The following CARHSP1 variants were observed in gnomAD, a reference collection of about 807,000 sequenced individuals.
CARHSP1 encodes calcium regulated heat stable protein 1, also known as calcium-regulated heat-stable protein 1.
CARHSP1 carries 14 observed loss-of-function variants against 12.5 expected under a neutral mutation model. The ratio of observed to expected loss-of-function variants is 1.12; its 90% CI spans 0.74 to 1.75. CARHSP1 has a LOEUF of 1.75. Ranked by LOEUF, CARHSP1 falls within the 40% of genes most tolerant of loss-of-function variation. The pLI, the probability that CARHSP1 is intolerant of heterozygous loss-of-function variation, is 0.00. For synonymous variants in CARHSP1, 161 were observed against 82.0 expected (o/e 1.96, Z -5.20); for missense variants, 343 against 201.6 (o/e 1.70, Z -4.25).
intron 3 of CARHSP1, among the ~76,000 whole-genome samples, chr16:8,855,559 T>C (rs561492556): frequency 6.6e-6 from 1 of 152,216 alleles, no homozygotes; most frequent in Non-Finnish European, 1.5e-5. Flanking sequence ...CTGGGACTTT[T>C]GATGCTGGAA....
At chr16:8,862,159 C>A (rs1051096141) in intron 1 of CARHSP1, among the ~76,000 whole-genome samples, 1 of 151,826 alleles carries the variant, frequency 6.6e-6, no homozygotes, top group Non-Finnish European at 1.5e-5. Flanking sequence ...CCCGCCATCA[C>A]GCCCGGCTAA....
rs1474226729 is a variant in CARHSP1, at chr16:8,854,127, C to T, written c.*1037G>A. 1.3e-5 allele frequency: 2 copies of T among 151,738 alleles called. No homozygotes were observed. Among genetic ancestry groups the T allele is most frequent in the Non-Finnish European group, 2.9e-5 (2 of 67,954 alleles). 9.4% of individuals were successfully genotyped at this position (151,738 alleles called of 1,614,324 possible). The stretch of plus-strand genomic sequence containing the variant: ...TGCAATGTCGGCAGCAAAGTGCAAA[C>T]AGAGCCGGCTCTGGGTGAAAGCTTT... On this transcript the variant is annotated 3_prime_UTR_variant, in exon 4 of 4. Transcript: ENST00000311052.
intron 1 of CARHSP1, among the ~76,000 whole-genome samples, chr16:8,865,780 G>A (rs1003472052): frequency 2.0e-5 from 3 of 152,126 alleles, no homozygotes; most frequent in Non-Finnish European, 2.9e-5. Flanking sequence ...CGTAAACATC[G>A]ACCCAACAGG....
rs1325102688 is a variant in CARHSP1 at position 8,855,274 on chromosome 16, A to C, written c.334T>G (p.Cys112Gly). 6 of 1,612,960 alleles carry C rather than the reference A, an allele frequency of 3.7e-6. No individual in the cohort carries two copies. Among genetic ancestry groups the C allele is most frequent in the Non-Finnish European group, 5.1e-6 (6 of 1,179,328 alleles). ...TTCTCATTCTTGGGTGGGATGGAGC[A>C]CATTTTATAGGTGACCTCGTCGCCT... ...VEGDEVTYKM[C>G]SIPPKNEKLQ... is the part of the protein sequence containing the mutation. The change falls in exon 4 of 4, where the codon TGC (cysteine) becomes GGC (glycine). Residue 112 changes from cysteine (C) to glycine (G), a missense_variant. By Grantham distance (159) the Cys-to-Gly change is radical. Transcript: ENST00000311052.
chr16:8,862,447 T>C lies in CARHSP1; in HGVS notation c.-7-3112A>G, dbSNP rs563710257. On this transcript the variant is annotated intron_variant, in intron 1 of 3. Coordinates refer to ENST00000311052, the MANE Select transcript of CARHSP1 (RefSeq NM_014316.4). ...GACACGTGCCCAATACCGAGCCCTG[T>C]TCAAGGCCCCAGAGACAAAGGGCTG... Among the ~76,000 whole-genome samples the C allele has an allele frequency of 9.3e-4, 141 of 152,166 alleles. 1 individual carries two copies. The highest frequency in any genetic ancestry group is 3.3e-3 in the African/African-American group (137 of 41,508).
intron 1 of CARHSP1, chr16:8,868,371 G>C (rs545816214): frequency 6.6e-6 from 1 of 152,210 alleles, no homozygotes; most frequent in Non-Finnish European, 1.5e-5. Flanking sequence ...TGTGGGCGCG[G>C]GTGAAGTTTT....
At position 8,855,289 on chromosome 16, in the gene CARHSP1, C is replaced by T. The variant is rs1262512392; in HGVS notation, c.319G>A (p.Val107Ile). The change falls in exon 4 of 4, where the codon GTC becomes ATC. Residue 107 changes from valine to isoleucine, a missense_variant. By Grantham distance (29) the Val-to-Ile change is conservative. Transcript: ENST00000311052. Reference sequence around the variant, plus strand: ...GGGATGGAGCACATTTTATAGGTGACCTCGTCGCCTTCCACTGGGACATAC... The same window carrying T: ...GGGATGGAGCACATTTTATAGGTGATCTCGTCGCCTTCCACTGGGACATAC... Reference protein sequence around the residue: ...GEYVPVEGDEVTYKMCSIPPK... With the variant: ...GEYVPVEGDEITYKMCSIPPK... 4.3e-6 allele frequency: 7 copies of T among 1,610,008 alleles called. No individual in the cohort carries two copies. In the Admixed American group the frequency reaches 6.7e-5, roughly 15 times the overall value.
At chr16:8,859,691 C>T (rs914334545) in intron 1 of CARHSP1, 1 of 176,042 alleles carries the variant, frequency 5.7e-6, no homozygotes, top group Non-Finnish European at 1.2e-5. Flanking sequence ...AAACCCAAAG[C>T]CAGGGGCCGG....
chr16:8,856,709 G>C (rs1211718661), intron 3 of CARHSP1, among the ~76,000 whole-genome samples: 1 of 152,182 alleles, frequency 6.6e-6, no homozygotes, highest in Non-Finnish European at 1.5e-5. Context: ...CGGGTATGCT[G>C]TGCAGAGTAG....
In CARHSP1 at chr16:8,854,481, C is replaced by G. The variant is rs1369790877; in HGVS notation, c.*683G>C. The stretch of plus-strand genomic sequence containing the variant: ...TAAGAGGGGTTCAGCCTCCCAGTAC[C>G]AGCCTGCTGTGCCCAGGGGTGGGAG... On this transcript the variant is annotated 3_prime_UTR_variant, in exon 4 of 4. Transcript: ENST00000311052. The G allele has an allele frequency of 6.5e-6, 1 of 152,700 alleles. No homozygotes were observed. Among genetic ancestry groups the G allele is most frequent in the African/African-American group, 2.4e-5 (1 of 41,444 alleles). 9.5% of individuals were successfully genotyped at this position (152,700 alleles called of 1,614,324 possible). A position where few individuals can be genotyped will look rare whatever the true frequency, so the allele number is the denominator to read the frequency against.
chr16:8,857,261 CTGTTTTTTTTTTTTTTTTTT>C (rs1309158357), intron 3 of CARHSP1, among the ~76,000 whole-genome samples: 658 of 44,300 alleles, frequency 0.015, 6 homozygotes, highest in African/African-American at 0.063. Context: ...TTGGGCAGAT[CTGTTTTTTTTTTTTTTTTTT>C]TTTTTTTTTT....
chr16:8,862,295 C>T (rs1032685036), intron 1 of CARHSP1, among the ~76,000 whole-genome samples: 4 of 152,080 alleles, frequency 2.6e-5, no homozygotes. Context: ...CGATTTCACA[C>T]CATCAGGCTG....
chr16:8,856,796 G>A (rs550821301), intron 3 of CARHSP1, among the ~76,000 whole-genome samples: 8 of 152,264 alleles, frequency 5.3e-5, no homozygotes, highest in African/African-American at 1.9e-4. Flanking sequence ...CAAGGGTGCA[G>A]ATCGAGGGTC....
intron 1 of CARHSP1, 37 bp downstream of exon 1, chr16:8,868,929 G>A (rs1455302757): frequency 1.3e-5 from 2 of 152,060 alleles, no homozygotes; most frequent in East Asian, 3.9e-4. Context: ...GCGGGCCAGG[G>A]GCGCCTATCC....
intron 3 of CARHSP1, chr16:8,858,121 G>C (rs547619760): frequency 7.0e-6 from 4 of 567,390 alleles, no homozygotes; most frequent in Non-Finnish European, 1.3e-5. Flanking sequence ...CACAAGTACC[G>C]TGTCGCCCCC....
At chr16:8,857,161 T>A (rs571583198) in intron 3 of CARHSP1, among the ~76,000 whole-genome samples, 103 of 151,382 alleles carry the variant, frequency 6.8e-4, no homozygotes, top group African/African-American at 2.4e-3. Flanking sequence ...CTCACACACA[T>A]GCACCATGCA....
intron 2 of CARHSP1, 94 bp from the exon 3 acceptor site, chr16:8,858,566 C>A: frequency 6.7e-7 from 1 of 1,502,846 alleles, no homozygotes; most frequent in Non-Finnish European, 9.0e-7. Context: ...CCCCATCAAG[C>A]CCTGGCCAGG....
chr16:8,856,510 C>T (rs2061114497), intron 3 of CARHSP1, among the ~76,000 whole-genome samples: 1 of 151,922 alleles, frequency 6.6e-6, no homozygotes, highest in African/African-American at 2.4e-5. Context: ...ATTCAAAATC[C>T]TTTCTGGGAC....
intron 3 of CARHSP1, 79 bp downstream of exon 3, chr16:8,858,249 CTCACACCCAGCGCCCATCAGAG>C: frequency 2.9e-6 from 4 of 1,393,634 alleles, no homozygotes; most frequent in East Asian, 2.4e-5. Context: ...GCCATTCGTC[CTCACACCCAGCGCCCATCAGAG>C]TCACACACCA....
Sources: gnomAD v4.1 joint callset for allele counts (sites outside exome capture counted in the v4.1 genomes callset) on GRCh38, gnomAD v4.1.1 for gene constraint, MANE v1.5 for transcripts, NCBI Gene and HGNC (gene_info 2026-07-23, HGNC 2026-07-21) for gene names.